The following TMEM132D variants were observed in gnomAD, a reference collection of about 807,000 sequenced individuals.
TMEM132D encodes the protein mature OL transmembrane protein.
Under a neutral mutation model 62.3 loss-of-function variants are expected in TMEM132D, and 21 were observed. The ratio of observed to expected loss-of-function variants is 0.34; its 90% CI spans 0.24 to 0.49. The LOEUF (loss-of-function observed/expected upper bound fraction) is 0.49. Ranked by LOEUF, TMEM132D falls within the 20% of genes least tolerant of loss-of-function variation. The pLI, the probability that TMEM132D is intolerant of heterozygous loss-of-function variation, is 0.99. For synonymous variants in TMEM132D, 621 were observed against 575.6 expected, an observed-to-expected ratio of 1.08 and a Z score of -1.13; for missense variants, 1,346 against 1,402.8, an observed-to-expected ratio of 0.96 and a Z score of 0.65.
chr12:129,603,997 T>C (rs911658113), intron 2 of TMEM132D, among the ~76,000 whole-genome samples: 1 of 152,104 alleles, frequency 6.6e-6, no homozygotes, highest in East Asian at 1.9e-4. Flanking sequence ...CCATAAAAAA[T>C]GAGTTCATGT....
At chr12:129,076,635 A>C (rs1238871347) in intron 8 of TMEM132D, among the ~76,000 whole-genome samples, 3 of 152,212 alleles carry the variant, frequency 2.0e-5, no homozygotes, top group Admixed American at 1.3e-4. Context: ...TGGACATGAC[A>C]CTGACTTACC....
chr12:129,208,689 C>T (rs1878930819), intron 5 of TMEM132D: 1 of 152,190 alleles, frequency 6.6e-6, no homozygotes, highest in Admixed American at 6.5e-5. Context: ...GCCCTTCTCG[C>T]TGTCCCGGGC....
At chr12:129,298,524 A>G (rs1247413282) in intron 4 of TMEM132D, among the ~76,000 whole-genome samples, 2 of 152,154 alleles carry the variant, frequency 1.3e-5, no homozygotes, top group African/African-American at 2.4e-5. Flanking sequence ...GTTAACCGTC[A>G]TCACCCCACC....
intron 5 of TMEM132D, among the ~76,000 whole-genome samples, chr12:129,109,074 C>A (rs562889608): frequency 6.6e-6 from 1 of 152,336 alleles, no homozygotes; most frequent in African/African-American, 2.4e-5. Flanking sequence ...TGGAAAACTA[C>A]TATCACCGAA....
intron 1 of TMEM132D, among the ~76,000 whole-genome samples, chr12:129,756,158 T>A (rs1252329485): frequency 2.0e-5 from 3 of 152,120 alleles, no homozygotes; most frequent in South Asian, 2.1e-4. Flanking sequence ...TTCAACAAGT[T>A]TAACGTTTCA....
intron 2 of TMEM132D, among the ~76,000 whole-genome samples, chr12:129,581,359 A>G (rs1877855824): frequency 6.6e-6 from 1 of 152,170 alleles, no homozygotes; most frequent in East Asian, 1.9e-4. Context: ...GTATATCTGG[A>G]AGGGAGTTTA....
intron 1 of TMEM132D, among the ~76,000 whole-genome samples, chr12:129,767,822 T>A (rs1226705303): frequency 6.6e-6 from 1 of 152,096 alleles, no homozygotes; most frequent in Non-Finnish European, 1.5e-5. Flanking sequence ...ACATAAAGAT[T>A]TACCAAGACT....
chr12:129,111,852 T>C (rs78996257), intron 5 of TMEM132D, among the ~76,000 whole-genome samples: 5 of 152,278 alleles, frequency 3.3e-5, no homozygotes, highest in African/African-American at 1.2e-4. Flanking sequence ...CCTCATGCCA[T>C]ATTTTCAGTC....
At chr12:129,558,210 A>G (rs1384687382) in intron 2 of TMEM132D, among the ~76,000 whole-genome samples, 1 of 152,164 alleles carries the variant, frequency 6.6e-6, no homozygotes, top group African/African-American at 2.4e-5. Flanking sequence ...TTGCTTTGGA[A>G]TTTCCTGACC....
intron 5 of TMEM132D, among the ~76,000 whole-genome samples, chr12:129,190,762 A>G (rs902548172): frequency 5.3e-5 from 8 of 152,200 alleles, no homozygotes; most frequent in Non-Finnish European, 8.8e-5. Context: ...ACAGAACTGT[A>G]AGATAACACA....
intron 3 of TMEM132D, among the ~76,000 whole-genome samples, chr12:129,488,608 G>A (rs549962128): frequency 6.6e-6 from 1 of 152,256 alleles, no homozygotes; most frequent in East Asian, 1.9e-4. Context: ...GGGAGGCAGA[G>A]GTTGCAGTGA....
intron 3 of TMEM132D, among the ~76,000 whole-genome samples, chr12:129,486,717 G>A (rs1407433553): frequency 6.6e-6 from 1 of 152,144 alleles, no homozygotes; most frequent in Non-Finnish European, 1.5e-5. Context: ...CTCCATGCCT[G>A]TGGTTCTTCT....
intron 5 of TMEM132D, among the ~76,000 whole-genome samples, chr12:129,106,466 A>G (rs1875502288): frequency 6.6e-6 from 1 of 152,186 alleles, no homozygotes; most frequent in Non-Finnish European, 1.5e-5. Context: ...CCCTATCAAA[A>G]AAAAGTTAAA....
At chr12:129,835,587 A>G (rs906789790) in intron 1 of TMEM132D, among the ~76,000 whole-genome samples, 3 of 152,136 alleles carry the variant, frequency 2.0e-5, no homozygotes, top group African/African-American at 4.8e-5. Flanking sequence ...TACCACACCG[A>G]GCCTGTGCAT....
At chr12:129,777,705 T>C (rs1183572513) in intron 1 of TMEM132D, among the ~76,000 whole-genome samples, 3 of 152,198 alleles carry the variant, frequency 2.0e-5, no homozygotes, top group Non-Finnish European at 2.9e-5. Flanking sequence ...TCTTTTCTTA[T>C]CATATACCAA....
intron 4 of TMEM132D, among the ~76,000 whole-genome samples, chr12:129,325,974 C>T (rs1868895317): frequency 6.6e-6 from 1 of 152,290 alleles, no homozygotes; most frequent in African/African-American, 2.4e-5. Context: ...GAAGACTAGG[C>T]ATCATGAGTG....
At chr12:129,440,853 T>A (rs542538835) in intron 3 of TMEM132D, among the ~76,000 whole-genome samples, 6 of 152,210 alleles carry the variant, frequency 3.9e-5, no homozygotes, top group Non-Finnish European at 8.8e-5. Context: ...GAGACTAATG[T>A]GCATCTGGGC....
chr12:129,121,534 A>G (rs1876062665), intron 5 of TMEM132D, among the ~76,000 whole-genome samples: 1 of 152,316 alleles, frequency 6.6e-6, no homozygotes, highest in African/African-American at 2.4e-5. Flanking sequence ...GGAGTGAATA[A>G]TTTTGAGAAG....
intron 1 of TMEM132D, among the ~76,000 whole-genome samples, chr12:129,719,468 T>C (rs2137242752): frequency 6.6e-6 from 1 of 152,360 alleles, no homozygotes; most frequent in South Asian, 2.1e-4. Flanking sequence ...ATGATTTATC[T>C]GTCAGTAGCT....
Sources: gnomAD v4.1 joint callset for allele counts (sites outside exome capture counted in the v4.1 genomes callset) on GRCh38, gnomAD v4.1.1 for gene constraint, MANE v1.5 for transcripts, NCBI Gene and HGNC (gene_info 2026-07-23, HGNC 2026-07-21) for gene names.